OTUD7B: variants seen among roughly 807,000 people sequenced by gnomAD.
OTUD7B encodes OTU deubiquitinase 7B, also known as OTU domain-containing protein 7B.
A neutral mutation model predicts 82.2 loss-of-function variants in OTUD7B; 34 were observed. That is an observed-to-expected ratio of 0.41 (90% CI 0.31 to 0.55). The LOEUF (loss-of-function observed/expected upper bound fraction) is 0.55. OTUD7B is among the 20% of genes least tolerant of loss of function. The pLI, the probability that OTUD7B is intolerant of heterozygous loss-of-function variation, is 0.20. For synonymous variants in OTUD7B, 398 were observed against 402.7 expected, an observed-to-expected ratio of 0.99 and a Z score of 0.14; for missense variants, 944 against 1,062.1, an observed-to-expected ratio of 0.89 and a Z score of 1.55.
At chr1:149,987,481 G>A (rs977772141) in intron 1 of OTUD7B, among the ~76,000 whole-genome samples, 1 of 152,196 alleles carries the variant, frequency 6.6e-6, no homozygotes, top group Non-Finnish European at 1.5e-5. Flanking sequence ...TAAAATGGGG[G>A]AAATGTATGC....
the OTUD7B span, among the ~76,000 whole-genome samples, chr1:150,060,949 G>C: frequency 8.6e-5 from 13 of 151,658 alleles, no homozygotes; most frequent in African/African-American, 3.2e-4. Context: ...CTGAGACCGG[G>C]TCTTGCTGTC....
chr1:150,004,055 T>A (rs981732737), intron 1 of OTUD7B, among the ~76,000 whole-genome samples: 11 of 152,266 alleles, frequency 7.2e-5, no homozygotes, highest in Admixed American at 3.3e-4. Flanking sequence ...CTCATCACCC[T>A]TCTTCATCTC....
At chr1:150,019,394 G>T in the OTUD7B span, among the ~76,000 whole-genome samples, 58 of 152,082 alleles carry the variant, frequency 3.8e-4, no homozygotes, top group Non-Finnish European at 7.5e-4. Flanking sequence ...TGGAGACAGG[G>T]TCTTGCTCTG....
At chr1:149,967,193 A>T (rs1269427299) in intron 4 of OTUD7B, 101 bp downstream of exon 4, 2 of 732,402 alleles carry the variant, frequency 2.7e-6, no homozygotes, top group Admixed American at 5.3e-5. Flanking sequence ...ATCAGATAAC[A>T]CACTTAAACT....
intron 7 of OTUD7B, among the ~76,000 whole-genome samples, chr1:149,959,439 G>C (rs948856864): frequency 2.0e-5 from 3 of 152,066 alleles, no homozygotes; most frequent in Non-Finnish European, 4.4e-5. Context: ...TTTACTTACT[G>C]AAGATACTGG....
At chr1:150,010,981 ACT>A (rs1653012809), upstream of OTUD7B, among the ~76,000 whole-genome samples, 1 of 152,014 alleles carries the variant, frequency 6.6e-6, no homozygotes, top group African/African-American at 2.4e-5. Flanking sequence ...GACTCTTAGG[ACT>A]CTGGGGTAGA....
At chr1:149,957,982 C>T (rs1648819743) in intron 7 of OTUD7B, among the ~76,000 whole-genome samples, 1 of 152,236 alleles carries the variant, frequency 6.6e-6, no homozygotes. Context: ...CCTTGTGCTT[C>T]CCAGGTGAGG....
At position 149,965,814 on chromosome 1, in the gene OTUD7B, A is replaced by G. The variant is rs781969060; in HGVS notation, c.567T>C (p.Thr189=). The G allele has an allele frequency of 6.2e-7, 1 of 1,614,110 alleles. No homozygotes were observed. The highest frequency in any genetic ancestry group is 1.1e-5 in the South Asian group (1 of 91,066). ...CATGCAGGAGGCAGTTCCCATCTCC[A>G]GTAGTTGCCAAAGGAAGCAGCCTCT... is the stretch of plus-strand genomic sequence containing the variant. The part of the protein sequence containing the change: ...TSQRLLPLAT[T]GDGNCLLHAA... Residue 189 remains threonine (T), a synonymous_variant, in exon 5 of 12, where the codon ACT becomes ACC. Coordinates refer to ENST00000581312, the MANE Select transcript of OTUD7B (RefSeq NM_020205.4).
At chr1:150,011,722 GAAATTT>G (rs2101961021), upstream of OTUD7B, among the ~76,000 whole-genome samples, 1 of 152,292 alleles carries the variant, frequency 6.6e-6, no homozygotes, top group South Asian at 2.1e-4. Context: ...AAAGACATTT[GAAATTT>G]TAATTCAGAT....
chr1:149,982,451 C>G (rs1553779933), intron 1 of OTUD7B, among the ~76,000 whole-genome samples: 1 of 151,954 alleles, frequency 6.6e-6, no homozygotes, highest in Non-Finnish European at 1.5e-5. Context: ...TAAACACCTG[C>G]CTTATATAAC....
the OTUD7B span, chr1:150,050,452 C>A: frequency 3.3e-5 from 5 of 152,256 alleles, no homozygotes; most frequent in Admixed American, 1.3e-4. Flanking sequence ...TGCAGTCAGA[C>A]ATGAATGGAA....
intron 1 of OTUD7B, among the ~76,000 whole-genome samples, chr1:149,984,200 C>T (rs587637596): frequency 6.6e-6 from 1 of 152,002 alleles, no homozygotes; most frequent in Admixed American, 6.6e-5. Context: ...GCCACATCAC[C>T]TCCCCTTACT....
chr1:149,956,128 C>T (rs1553774514), intron 7 of OTUD7B, among the ~76,000 whole-genome samples: 1 of 152,128 alleles, frequency 6.6e-6, no homozygotes, highest in Non-Finnish European at 1.5e-5. Flanking sequence ...TTCTTCCTAG[C>T]ATCGATGGTC....
At chr1:149,987,301 C>T (rs1553781069) in intron 1 of OTUD7B, among the ~76,000 whole-genome samples, 1 of 152,198 alleles carries the variant, frequency 6.6e-6, no homozygotes, top group Admixed American at 6.5e-5. Context: ...GGGCAGTCCA[C>T]CATGTGGAAG....
At chr1:150,041,579 C>A in the OTUD7B span, among the ~76,000 whole-genome samples, 1 of 152,194 alleles carries the variant, frequency 6.6e-6, no homozygotes, top group African/African-American at 2.4e-5. Flanking sequence ...AGTGATCCAC[C>A]CACCTCGGCC....
chr1:149,998,119 C>T (rs919027161), intron 1 of OTUD7B, among the ~76,000 whole-genome samples: 1 of 152,154 alleles, frequency 6.6e-6, no homozygotes, highest in Non-Finnish European at 1.5e-5. Context: ...TCTTACCTAA[C>T]CTTTTTCACG....
At chr1:149,970,947 TGGGAGAAG>T in intron 3 of OTUD7B, 108 bp downstream of exon 3, 14 of 987,692 alleles carry the variant, frequency 1.4e-5, no homozygotes, top group Non-Finnish European at 1.9e-5. Context: ...TGGGTTTGGC[TGGGAGAAG>T]GGGAAGAAAT....
chr1:150,015,290 C>CTTTTTTTTTTTTT (rs60374988), upstream of OTUD7B, among the ~76,000 whole-genome samples: 8 of 128,974 alleles, frequency 6.2e-5, no homozygotes, highest in Non-Finnish European at 7.7e-5. Flanking sequence ...TTTTCTTTCT[C>CTTTTTTTTTTTTT]TTTTTTTTTT....
At chr1:149,971,352 C>A (rs1354463612) in intron 2 of OTUD7B, 101 bp from the exon 3 acceptor site, 18 of 653,494 alleles carry the variant, frequency 2.8e-5, no homozygotes, top group Middle Eastern at 2.7e-4. Flanking sequence ...AATACGCATG[C>A]ACATAATCAT....
Sources: gnomAD v4.1 joint callset for allele counts (sites outside exome capture counted in the v4.1 genomes callset) on GRCh38, gnomAD v4.1.1 for gene constraint, MANE v1.5 for transcripts, NCBI Gene and HGNC (gene_info 2026-07-23, HGNC 2026-07-21) for gene names.